ZDHHC18: variants seen among roughly 807,000 people sequenced by gnomAD.
ZDHHC18 encodes palmitoyltransferase ZDHHC18.
Under a neutral mutation model 37.5 loss-of-function variants are expected in ZDHHC18, and 23 were observed. The observed-to-expected ratio is 0.61, with a 90% CI of 0.44 to 0.87. The LOEUF (loss-of-function observed/expected upper bound fraction) is 0.87, where lower values mean the gene tolerates loss of function less well. Among genes scored for constraint, ZDHHC18 ranks in the 40% least tolerant of loss-of-function variants. The pLI, the probability that ZDHHC18 is intolerant of heterozygous loss-of-function variation, is 0.00. For synonymous variants in ZDHHC18, 185 were observed against 218.7 expected, an observed-to-expected ratio of 0.85 and a Z score of 1.36; for missense variants, 406 against 525.6, an observed-to-expected ratio of 0.77 and a Z score of 2.22.
At chr1:26,846,509 A>G (rs1006338412) in intron 2 of ZDHHC18, among the ~76,000 whole-genome samples, 2 of 149,678 alleles carry the variant, frequency 1.3e-5, no homozygotes, top group African/African-American at 4.9e-5. Context: ...TTGTATTTTT[A>G]GTAGAGACGG....
At chr1:26,848,025 C>G (rs1016687381) in intron 2 of ZDHHC18, among the ~76,000 whole-genome samples, 1 of 152,108 alleles carries the variant, frequency 6.6e-6, no homozygotes, top group Non-Finnish European at 1.5e-5. Flanking sequence ...GCAAATAAAC[C>G]TCACTGGCTG....
chr1:26,849,393 CCA>C (rs750004810), intron 3 of ZDHHC18, among the ~76,000 whole-genome samples: 8 of 152,192 alleles, frequency 5.3e-5, no homozygotes, highest in Non-Finnish European at 1.2e-4. Context: ...GTGAGCTGAG[CCA>C]CAGTGACTGT....
chr1:26,835,454 G>C (rs1289884215), intron 2 of ZDHHC18, among the ~76,000 whole-genome samples: 1 of 152,206 alleles, frequency 6.6e-6, no homozygotes, highest in Non-Finnish European at 1.5e-5. Context: ...TGTAATCCCA[G>C]CACTTTGGGA....
At chr1:26,833,717 C>T (rs368501721) in intron 2 of ZDHHC18, among the ~76,000 whole-genome samples, 1 of 152,080 alleles carries the variant, frequency 6.6e-6, no homozygotes, top group Admixed American at 6.6e-5. Context: ...ACTTGCACAC[C>T]TCGGGGGTTT....
intron 1 of ZDHHC18, 66 bp from the exon 2 acceptor site, chr1:26,832,381 G>T (rs2081592067): frequency 1.3e-6 from 2 of 1,585,400 alleles, no homozygotes; most frequent in Non-Finnish European, 1.7e-6. Flanking sequence ...CCTGCCACGT[G>T]CTGTAGCCCT....
Position 26,855,938 on chromosome 1 carries a change from G to A in ZDHHC18, c.*2095G>A, listed in dbSNP as rs117707168. On this transcript the variant is annotated 3_prime_UTR_variant, in exon 8 of 8. Transcript: ENST00000374142. ...CTGAGCCCCCATGGGCACGTGAAAA[G>A]AGGCCATCCTGTCCCCTCTTTGTCC... The A allele has an allele frequency of 1.9e-4, 50 of 269,702 alleles. No individual in the cohort carries two copies. In the East Asian group the frequency reaches 3.1e-3, roughly 17 times the overall value. 16.7% of individuals were successfully genotyped at this position (269,702 alleles called of 1,614,324 possible). A position where few individuals can be genotyped will look rare whatever the true frequency, so the allele number is the denominator to read the frequency against.
Position 26,850,473 on chromosome 1 carries a change from G to T in ZDHHC18, c.784+35G>T, listed in dbSNP as rs1457163602. On this transcript the variant is annotated intron_variant, in intron 4 of 7. Coordinates refer to ENST00000374142, the MANE Select transcript of ZDHHC18 (RefSeq NM_032283.3). This position sits in a 1 kb window ranked among gnomAD's most constrained non-coding sequence, Gnocchi z 6.1. ...GGGTGAGGGCAGTGGGGAGTGGAAG[G>T]GGTCAGCCAGCAAGCTCAAGGGTCA... The T allele has an allele frequency of 1.2e-6, 2 of 1,614,206 alleles. No individual in the cohort carries two copies. The highest frequency in any genetic ancestry group is 1.7e-6 in the Non-Finnish European group (2 of 1,180,026).
chr1:26,848,518 C>G, intron 2 of ZDHHC18, 90 bp from the exon 3 acceptor site: 2 of 1,523,348 alleles, frequency 1.3e-6, no homozygotes. Context: ...TTCTCCTGGA[C>G]TGGCCAGGCA....
intron 2 of ZDHHC18, among the ~76,000 whole-genome samples, chr1:26,837,322 A>G (rs2081616762): frequency 6.8e-6 from 1 of 147,580 alleles, no homozygotes; most frequent in Non-Finnish European, 1.5e-5. Context: ...AATATATAAC[A>G]TATTTAATAT....
chr1:26,855,941 G>A lies in ZDHHC18; in HGVS notation c.*2098G>A, dbSNP rs2081731909. 1 of 275,448 alleles carries A rather than the reference G, an allele frequency of 3.6e-6. No individual in the cohort carries two copies. The highest frequency in any genetic ancestry group is 3.0e-5 in the South Asian group (1 of 32,890). 17.1% of individuals were successfully genotyped at this position (275,448 alleles called of 1,614,324 possible). A position where few individuals can be genotyped will look rare whatever the true frequency, so the allele number is the denominator to read the frequency against. On this transcript the variant is annotated 3_prime_UTR_variant, in exon 8 of 8. Transcript: ENST00000374142. Reference sequence around the variant, plus strand: ...AGCCCCCATGGGCACGTGAAAAGAGGCCATCCTGTCCCCTCTTTGTCCCCT... The same window carrying A: ...AGCCCCCATGGGCACGTGAAAAGAGACCATCCTGTCCCCTCTTTGTCCCCT...
intron 2 of ZDHHC18, among the ~76,000 whole-genome samples, chr1:26,846,288 G>GTATA (rs1452291069): frequency 0.096 from 5,045 of 52,630 alleles, 326 homozygotes; most frequent in East Asian, 0.28. Context: ...GTGTGTGTGT[G>GTATA]TGTATATATA....
chr1:26,843,510 C>T lies in ZDHHC18; in HGVS notation c.497-5098C>T, dbSNP rs189788826. Among the ~76,000 whole-genome samples, 149 of 149,754 alleles carry T rather than the reference C, an allele frequency of 9.9e-4. 1 individual carries two copies. Among genetic ancestry groups the T allele is most frequent in the African/African-American group, 3.4e-3 (137 of 40,702 alleles). ...TTATCAAAAGTATACAAGTTGTGGC[C>T]GTGTACGGTGGTTCATGCCTGTAAT... On this transcript the variant is annotated intron_variant, in intron 2 of 7. Transcript: ENST00000374142.
In ZDHHC18 at chr1:26,826,945, C is replaced by T. The variant is rs1445919192; in HGVS notation, c.141C>T (p.Arg47=). 185 of 1,171,388 alleles carry T rather than the reference C, an allele frequency of 1.6e-4. No individual in the cohort carries two copies. The highest frequency in any genetic ancestry group is 1.9e-4 in the Non-Finnish European group (176 of 949,664). 72.6% of individuals were successfully genotyped at this position (1,171,388 alleles called of 1,614,324 possible). The part of the protein sequence containing the change: ...PAPPAAPAPP[R]WSSSGSGSGS... ...CGCCCGCCGCCCCCGCCCCGCCGCG[C>T]TGGAGCAGCAGCGGCAGCGGCAGCG... The change falls in exon 1 of 8, where the codon CGC becomes CGT. Residue 47 remains arginine, a synonymous_variant. Coordinates refer to ENST00000374142, the MANE Select transcript of ZDHHC18 (RefSeq NM_032283.3). The surrounding 1 kb of genome is among the most constrained non-coding windows in gnomAD (Gnocchi z 5.2).
At chr1:26,839,866 G>A (rs530454277) in intron 2 of ZDHHC18, among the ~76,000 whole-genome samples, 3 of 152,270 alleles carry the variant, frequency 2.0e-5, no homozygotes, top group Non-Finnish European at 4.4e-5. Flanking sequence ...AGCACTGTCC[G>A]GTCTGAGAAT....
chr1:26,841,347 T>G (rs1435547370), intron 2 of ZDHHC18, among the ~76,000 whole-genome samples: 3 of 152,124 alleles, frequency 2.0e-5, no homozygotes, highest in African/African-American at 4.8e-5. Flanking sequence ...TTACCCAGGC[T>G]GATCTCAAAC....
At chr1:26,845,489 C>A (rs2081659538) in intron 2 of ZDHHC18, among the ~76,000 whole-genome samples, 1 of 150,588 alleles carries the variant, frequency 6.6e-6, no homozygotes, top group African/African-American at 2.4e-5. Context: ...CCCACCACCA[C>A]ACCCAGCTAA....
intron 7 of ZDHHC18, 113 bp downstream of exon 7, chr1:26,852,978 A>G (rs975983880): frequency 3.0e-5 from 25 of 841,590 alleles, no homozygotes; most frequent in Non-Finnish European, 3.7e-5. Flanking sequence ...TCCGTCCACT[A>G]CCCCCTGGAG....
chr1:26,832,423 ATC>A lies in ZDHHC18; in HGVS notation c.336-17_336-16del, dbSNP rs1031740981. 4 of 1,613,288 alleles carry A rather than the reference ATC, an allele frequency of 2.5e-6. No homozygotes were observed. In the South Asian group the frequency reaches 3.3e-5, roughly 13 times the overall value. ...CAGGGAGCCCTTGGGGTGTCTGCTG[ATC>A]TCTCTCCATCTCTCGTTCTAGCTGT... On this transcript the variant is annotated intron_variant, in intron 1 of 7. Transcript: ENST00000374142.
At chr1:26,847,056 C>A (rs779661515) in intron 2 of ZDHHC18, among the ~76,000 whole-genome samples, 3 of 151,906 alleles carry the variant, frequency 2.0e-5, no homozygotes, top group Non-Finnish European at 4.4e-5. Context: ...CCACCACAAC[C>A]GGTTAATTTT....
Sources: allele counts gnomAD v4.1 joint callset (sites outside exome capture counted in the v4.1 genomes callset), GRCh38; gene constraint gnomAD v4.1.1; non-coding constraint Gnocchi (gnomAD v3.1); transcripts MANE v1.5; gene names NCBI Gene and HGNC (gene_info 2026-07-23, HGNC 2026-07-21).